TP53INP1: variants seen among roughly 807,000 people sequenced by gnomAD.
TP53INP1 encodes the protein tumor protein p53 inducible nuclear protein 1, also known as tumor protein p53-inducible nuclear protein 1.
In TP53INP1, 12 loss-of-function variants were observed where a neutral mutation model predicts 21.0. That is an observed-to-expected ratio of 0.57 (90% CI 0.37 to 0.93). TP53INP1 has a LOEUF of 0.93. Among genes scored for constraint, TP53INP1 ranks in the 40% least tolerant of loss-of-function variants. The pLI is 0.01. For missense variants in TP53INP1, 274 were observed against 294.7 expected, an observed-to-expected ratio of 0.93 and a Z score of 0.51; for synonymous variants, 91 against 94.8, an observed-to-expected ratio of 0.96 and a Z score of 0.23.
rs866876818 is a variant in TP53INP1, at chr8:94,933,837, G to C, written c.474-3109C>G. ...TGCCTGTAATCCCAGCACTTTGTGG[G>C]GGGGGGGGGAGGATCACGAGGTCAG... is the stretch of plus-strand genomic sequence containing the variant. On this transcript the variant is annotated intron_variant, in intron 3 of 3. Coordinates refer to ENST00000342697, the MANE Select transcript of TP53INP1 (RefSeq NM_033285.4). Among the ~76,000 whole-genome samples the C allele has an allele frequency of 6.8e-3, 1,006 of 148,252 alleles. 31 individuals are homozygous for C. Among genetic ancestry groups the C allele is most frequent in the Non-Finnish European group, 0.011 (732 of 66,566 alleles).
At position 94,940,072 on chromosome 8, in the gene TP53INP1, A is replaced by G; in HGVS notation, c.261T>C (p.Phe87=). The part of the protein sequence containing the change: ...ADTSDSCFLQ[F]ESCPMEESWF... ...AGCTCTCCTCCATTGGACATGACTC[A>G]AACTGGAGAAAGCAGGAATCACTTG... The change falls in exon 3 of 4, where the codon TTT becomes TTC. Residue 87 remains phenylalanine, a synonymous_variant. Coordinates refer to ENST00000342697, the MANE Select transcript of TP53INP1 (RefSeq NM_033285.4). 6.2e-7 allele frequency: 1 copy of G among 1,614,240 alleles called. No homozygotes were observed. Among genetic ancestry groups the G allele is most frequent in the Non-Finnish European group, 8.5e-7 (1 of 1,180,040 alleles).
chr8:94,936,320 TAAG>T (rs1198753100), intron 3 of TP53INP1, among the ~76,000 whole-genome samples: 1 of 152,084 alleles, frequency 6.6e-6, no homozygotes, highest in Non-Finnish European at 1.5e-5. Flanking sequence ...GTAGGGAATG[TAAG>T]AAGGACACAC....
At chr8:94,947,015 C>G (rs1822077957) in intron 1 of TP53INP1, among the ~76,000 whole-genome samples, 1 of 152,088 alleles carries the variant, frequency 6.6e-6, no homozygotes, top group Non-Finnish European at 1.5e-5. Context: ...TTACAGAATG[C>G]TTATTGTATG....
intron 3 of TP53INP1, among the ~76,000 whole-genome samples, chr8:94,939,381 T>TA (rs1234962512): frequency 4.6e-5 from 7 of 152,258 alleles, no homozygotes; most frequent in African/African-American, 1.7e-4. Flanking sequence ...CTAACTTTCT[T>TA]AAAAAAATCT....
chr8:94,948,954 G>A (rs930989642), intron 1 of TP53INP1, among the ~76,000 whole-genome samples, 200 bp downstream of exon 1: 53 of 150,892 alleles, frequency 3.5e-4, no homozygotes, highest in African/African-American at 1.3e-3. Flanking sequence ...GGGCCGCCGA[G>A]GACCGACCCA....
At chr8:94,931,933 T>G (rs142215779) in intron 3 of TP53INP1, 4 of 777,226 alleles carry the variant, frequency 5.1e-6, no homozygotes, top group Non-Finnish European at 8.0e-6. Flanking sequence ...TATCACACCA[T>G]TGCACTCCAG....
intron 1 of TP53INP1, among the ~76,000 whole-genome samples, chr8:94,943,979 A>G (rs1418756926): frequency 6.6e-6 from 1 of 152,260 alleles, no homozygotes; most frequent in African/African-American, 2.4e-5. Flanking sequence ...TGTGATAGTT[A>G]TATTCCAAAA....
At position 94,930,619 on chromosome 8, in the gene TP53INP1, T is replaced by C. The variant is rs189831461; in HGVS notation, c.583A>G (p.Ile195Val). Residue 195 changes from isoleucine (I) to valine (V), a missense_variant, in exon 4 of 4, where the codon ATA becomes GTA. Ile to Val is a conservative substitution (Grantham distance 29, BLOSUM62 3). Coordinates refer to ENST00000342697, the MANE Select transcript of TP53INP1 (RefSeq NM_033285.4). ...GGCTGTCTTTCACTGTGTTCTTTTA[T>C]CCACTGGGAAGGGCGAAAGCTCTTG... ...QPKSFRPSQW[I>V]KEHSERQPLN... 5.0e-6 allele frequency: 8 copies of C among 1,614,226 alleles called. No homozygotes were observed. The Admixed American group carries it at 1.0e-4, about 20-fold the overall frequency.
chr8:94,938,049 A>T (rs1047666660), intron 3 of TP53INP1, among the ~76,000 whole-genome samples: 5 of 152,186 alleles, frequency 3.3e-5, no homozygotes, highest in Non-Finnish European at 7.3e-5. Context: ...TAGGTTATGA[A>T]TTGGGATCAA....
At position 94,927,896 on chromosome 8, in the gene TP53INP1, C is replaced by T. The variant is rs1039519122; in HGVS notation, c.*2583G>A. On this transcript the variant is annotated 3_prime_UTR_variant, in exon 4 of 4. Coordinates refer to ENST00000342697, the MANE Select transcript of TP53INP1 (RefSeq NM_033285.4). ...TATGTCTAAAGCGCATTGTAAACCA[C>T]TAATATTTACAATAGCAAAAAAAAA... is the stretch of plus-strand genomic sequence containing the variant. The T allele has an allele frequency of 8.4e-6, 1 of 119,680 alleles. No homozygotes were observed. The highest frequency in any genetic ancestry group is 1.8e-5 in the Non-Finnish European group (1 of 55,808). 7.4% of individuals were successfully genotyped at this position (119,680 alleles called of 1,614,324 possible). A position where few individuals can be genotyped will look rare whatever the true frequency, so the allele number is the denominator to read the frequency against.
At chr8:94,930,864 GACAA>G in intron 3 of TP53INP1, 136 bp from the exon 4 acceptor site, 1 of 1,049,928 alleles carries the variant, frequency 9.5e-7, no homozygotes, top group Non-Finnish European at 1.3e-6. Flanking sequence ...ATGGCTGACA[GACAA>G]GTTTATTATT....
chr8:94,936,687 C>A (rs957306032), intron 3 of TP53INP1, among the ~76,000 whole-genome samples: 4 of 152,002 alleles, frequency 2.6e-5, no homozygotes, highest in Non-Finnish European at 5.9e-5. Flanking sequence ...CACAACCCTA[C>A]GGAAATTTGA....
intron 3 of TP53INP1, among the ~76,000 whole-genome samples, chr8:94,935,122 G>GAT (rs1379745309): frequency 1.5e-3 from 175 of 115,050 alleles, no homozygotes; most frequent in South Asian, 7.0e-3. Flanking sequence ...TACATAGGTA[G>GAT]ATAGATATAG....
At chr8:94,949,093 GC>G (rs1313601052) in intron 1 of TP53INP1, 60 bp downstream of exon 1, 1 of 148,118 alleles carries the variant, frequency 6.8e-6, no homozygotes, top group Non-Finnish European at 1.5e-5. Context: ...CAGCGCTGCG[GC>G]CCCAACCGGC....
intron 3 of TP53INP1, among the ~76,000 whole-genome samples, chr8:94,938,000 G>A (rs535229856): frequency 9.9e-5 from 15 of 152,126 alleles, no homozygotes; most frequent in African/African-American, 3.4e-4. Flanking sequence ...GAAAAGTTTG[G>A]GTATAAATGA....
At chr8:94,937,348 G>A (rs1465948610) in intron 3 of TP53INP1, among the ~76,000 whole-genome samples, 1 of 151,684 alleles carries the variant, frequency 6.6e-6, no homozygotes, top group Non-Finnish European at 1.5e-5. Flanking sequence ...GGCTGAGAAA[G>A]GAGAATCACT....
intron 1 of TP53INP1, among the ~76,000 whole-genome samples, chr8:94,946,705 A>AAAAAAAAAAAAAAAAAAAAAC (rs1315728100): frequency 6.8e-6 from 1 of 146,826 alleles, no homozygotes; most frequent in Non-Finnish European, 1.5e-5. Context: ...TCAAAAAAAA[A>AAAAAAAAAAAAAAAAAAAAAC]AAAAAAAAAA....
intron 1 of TP53INP1, among the ~76,000 whole-genome samples, chr8:94,946,052 GTAT>G (rs980128171): frequency 5.9e-5 from 9 of 151,540 alleles, no homozygotes; most frequent in Non-Finnish European, 1.3e-4. Flanking sequence ...AGAAAAATAA[GTAT>G]TATTCCATTG....
At chr8:94,945,895 A>G (rs1205387897) in intron 1 of TP53INP1, among the ~76,000 whole-genome samples, 1 of 152,154 alleles carries the variant, frequency 6.6e-6, no homozygotes, top group East Asian at 1.9e-4. Flanking sequence ...AAAAGAAACA[A>G]AGTGTCTGGG....
Sources: allele counts gnomAD v4.1 joint callset (sites outside exome capture counted in the v4.1 genomes callset), GRCh38; gene constraint gnomAD v4.1.1; transcripts MANE v1.5; gene names NCBI Gene and HGNC (gene_info 2026-07-23, HGNC 2026-07-21).